The following TBC1D22A variants were observed in gnomAD, a reference collection of about 807,000 sequenced individuals.
TBC1D22A encodes TBC1 domain family member 22A.
Under a neutral mutation model 60.2 loss-of-function variants are expected in TBC1D22A, and 38 were observed. The ratio of observed to expected loss-of-function variants is 0.63; its 90% CI spans 0.49 to 0.83. The LOEUF is 0.83. Among genes scored for constraint, TBC1D22A ranks in the 40% least tolerant of loss-of-function variants. The pLI, the probability that TBC1D22A is intolerant of heterozygous loss-of-function variation, is 0.00. For synonymous variants in TBC1D22A, 302 were observed against 281.7 expected (o/e 1.07, Z -0.72); for missense variants, 628 against 701.0 (o/e 0.90, Z 1.18).
At chr22:47,062,099 A>AAAAAAAAAAAAAAAG (rs1448363426) in intron 11 of TBC1D22A, among the ~76,000 whole-genome samples, 4 of 151,168 alleles carry the variant, frequency 2.6e-5, no homozygotes, top group African/African-American at 9.7e-5. Context: ...AAAAAAAAAA[A>AAAAAAAAAAAAAAAG]AAAAAAAAAG....
intron 1 of TBC1D22A, among the ~76,000 whole-genome samples, chr22:46,785,756 A>T (rs968444778): frequency 2.0e-5 from 3 of 152,198 alleles, no homozygotes; most frequent in Admixed American, 6.5e-5. Context: ...TTCAAGATTG[A>T]TCTACGTTGT....
At chr22:46,809,241 C>T (rs1006279754) in intron 4 of TBC1D22A, among the ~76,000 whole-genome samples, 4 of 152,154 alleles carry the variant, frequency 2.6e-5, no homozygotes, top group Admixed American at 2.0e-4. Flanking sequence ...GGCATTTCTT[C>T]TGTGCATGTG....
intron 1 of TBC1D22A, among the ~76,000 whole-genome samples, chr22:46,778,726 A>G (rs1052988952): frequency 3.3e-5 from 5 of 151,986 alleles, no homozygotes; most frequent in African/African-American, 4.8e-5. Flanking sequence ...AGCAGAAGGA[A>G]CATAACTCTA....
chr22:47,017,373 AG>A (rs1422611476), intron 10 of TBC1D22A, among the ~76,000 whole-genome samples: 1 of 152,170 alleles, frequency 6.6e-6, no homozygotes, highest in Non-Finnish European at 1.5e-5. Context: ...GGCTCAGGTG[AG>A]GGGTCGCCTT....
intron 4 of TBC1D22A, among the ~76,000 whole-genome samples, chr22:46,836,560 G>A (rs1023827118): frequency 6.6e-6 from 1 of 151,456 alleles, no homozygotes; most frequent in Non-Finnish European, 1.5e-5. Flanking sequence ...GGCAAGAGAG[G>A]AGGAAAGAAA....
chr22:46,979,109 G>A (rs2074415595), intron 9 of TBC1D22A, among the ~76,000 whole-genome samples: 1 of 152,100 alleles, frequency 6.6e-6, no homozygotes, highest in Non-Finnish European at 1.5e-5. Flanking sequence ...CCATATATTG[G>A]CTCTGTAACA....
rs774554772 is a variant in TBC1D22A at position 46,913,324 on chromosome 22, G to C, written c.1015+1136G>C. On this transcript the variant is annotated intron_variant, in intron 8 of 12. Coordinates refer to ENST00000337137, the MANE Select transcript of TBC1D22A (RefSeq NM_014346.5). ...GGTGCTCGCCTGTTGTTATTACATG[G>C]TGTTTTTAGCCTTTCCAGGTTGTGG... The C allele has an allele frequency of 6.6e-6, 9 of 1,365,684 alleles. No homozygotes were observed. In the African/African-American group the frequency reaches 1.2e-4, roughly 18 times the overall value. 84.6% of individuals were successfully genotyped at this position (1,365,684 alleles called of 1,614,324 possible).
chr22:47,160,436 T>G (rs982981672), intron 12 of TBC1D22A, among the ~76,000 whole-genome samples: 3 of 152,048 alleles, frequency 2.0e-5, no homozygotes, highest in Admixed American at 1.3e-4. Context: ...GGTCAGCGGG[T>G]GGAGGTCTTC....
chr22:46,802,775 C>G (rs1051983337), intron 4 of TBC1D22A, among the ~76,000 whole-genome samples: 12 of 149,294 alleles, frequency 8.0e-5, no homozygotes, highest in African/African-American at 3.0e-4. Flanking sequence ...TTGGGCAGCT[C>G]ATGGGAGGGG....
chr22:47,143,903 G>T (rs866151956), intron 12 of TBC1D22A, among the ~76,000 whole-genome samples: 1 of 152,230 alleles, frequency 6.6e-6, no homozygotes, highest in Admixed American at 6.5e-5. Flanking sequence ...ACGTGGAGAG[G>T]TGTGCACTTA....
intron 4 of TBC1D22A, among the ~76,000 whole-genome samples, chr22:46,831,063 A>G (rs2086288460): frequency 6.6e-6 from 1 of 152,100 alleles, no homozygotes; most frequent in African/African-American, 2.4e-5. Flanking sequence ...CGAGAGGAAG[A>G]GCAGATTGGG....
At chr22:46,816,609 T>TG (rs1679478619) in intron 4 of TBC1D22A, among the ~76,000 whole-genome samples, 1 of 152,086 alleles carries the variant, frequency 6.6e-6, no homozygotes, top group Non-Finnish European at 1.5e-5. Context: ...TGGAGTGAGG[T>TG]GGGGAACAGT....
chr22:46,906,169 C>CA (rs35250994), intron 7 of TBC1D22A, among the ~76,000 whole-genome samples: 62,172 of 151,990 alleles, frequency 0.41, 15,541 homozygotes, highest in African/African-American at 0.68. Context: ...GAAATTCAAG[C>CA]AGTTATTTAC....
chr22:47,100,848 T>C (rs1453924208), intron 11 of TBC1D22A, among the ~76,000 whole-genome samples: 1 of 152,184 alleles, frequency 6.6e-6, no homozygotes, highest in Admixed American at 6.5e-5. Flanking sequence ...CGCAGTAGGC[T>C]GCCGTCTTCA....
intron 12 of TBC1D22A, among the ~76,000 whole-genome samples, chr22:47,138,239 C>T (rs527580920): frequency 2.0e-5 from 3 of 152,334 alleles, no homozygotes; most frequent in African/African-American, 7.2e-5. Flanking sequence ...ATCTGTGCCC[C>T]AGCCTCTTTG....
intron 11 of TBC1D22A, among the ~76,000 whole-genome samples, chr22:47,094,502 T>G (rs779827057): frequency 2.0e-4 from 30 of 152,194 alleles, no homozygotes; most frequent in Admixed American, 9.8e-4. Flanking sequence ...CTAGCCTGCC[T>G]CCTACCCCAC....
intron 12 of TBC1D22A, among the ~76,000 whole-genome samples, chr22:47,133,820 A>G (rs539650395): frequency 2.0e-5 from 3 of 152,168 alleles, no homozygotes; most frequent in Non-Finnish European, 4.4e-5. Flanking sequence ...CAGCGGCTTC[A>G]GGCTGGCAGC....
At chr22:46,905,506 G>A (rs571283597) in intron 7 of TBC1D22A, among the ~76,000 whole-genome samples, 1 of 152,360 alleles carries the variant, frequency 6.6e-6, no homozygotes, top group African/African-American at 2.4e-5. Context: ...CATCCCCTGG[G>A]CTAGCATCCT....
At chr22:47,051,770 C>T (rs1373395459) in intron 11 of TBC1D22A, among the ~76,000 whole-genome samples, 3 of 152,232 alleles carry the variant, frequency 2.0e-5, no homozygotes, top group Non-Finnish European at 4.4e-5. Context: ...CCTTTCCTTC[C>T]TCTCGCGCTC....
Sources: allele counts gnomAD v4.1 joint callset (sites outside exome capture counted in the v4.1 genomes callset), GRCh38; gene constraint gnomAD v4.1.1; transcripts MANE v1.5; gene names NCBI Gene and HGNC (gene_info 2026-07-23, HGNC 2026-07-21).